MDH2: variants seen among roughly 807,000 people sequenced by gnomAD.
MDH2 encodes malate dehydrogenase 2.
In MDH2, 25 loss-of-function variants were observed where a neutral mutation model predicts 33.6. The observed-to-expected ratio is 0.74, with a 90% confidence interval of 0.54 to 1.04. The LOEUF is 1.04. MDH2 is among the 50% of genes least tolerant of loss of function. The pLI, the probability that MDH2 is intolerant of heterozygous loss-of-function variation, is 0.00. For missense variants in MDH2, 432 were observed against 445.0 expected (o/e 0.97, Z 0.26); for synonymous variants, 193 against 188.7 (o/e 1.02, Z -0.19).
intron 2 of MDH2, among the ~76,000 whole-genome samples, chr7:76,056,508 C>T (rs147158187): frequency 2.0e-4 from 30 of 152,220 alleles, no homozygotes; most frequent in Middle Eastern, 3.4e-3. Flanking sequence ...GAATGGGTTG[C>T]CCATTTTCTT....
chr7:76,051,156 A>G (rs1386474311), intron 1 of MDH2, among the ~76,000 whole-genome samples: 1 of 151,796 alleles, frequency 6.6e-6, no homozygotes, highest in African/African-American at 2.4e-5. Flanking sequence ...AGGTACTGGG[A>G]TTATAGACGT....
chr7:76,064,540 T>G lies in MDH2; in HGVS notation c.733+102T>G, dbSNP rs190363085. 32 of 1,107,094 alleles carry G rather than the reference T, an allele frequency of 2.9e-5. No homozygotes were observed. In the Admixed American group the frequency reaches 3.0e-4, roughly 10 times the overall value. The allele number at this position is 1,107,094 out of a possible 1,614,324, so 68.6% of individuals were successfully genotyped here. ...TGTCCCTGGGCATGGACGATCCTTT[T>G]CAGTGTTGATTTGCAGTTGCCTGGT... On this transcript the variant is annotated intron_variant, in intron 7 of 8. Transcript: ENST00000315758.
rs1797837522 is a variant in MDH2 at position 76,058,062 on chromosome 7, G to A, written c.413G>A (p.Cys138Tyr). 3 of 1,613,182 alleles carry A rather than the reference G, an allele frequency of 1.9e-6. No individual in the cohort carries two copies. Among genetic ancestry groups the A allele is most frequent in the African/African-American group, 2.7e-5 (2 of 74,942 alleles). Residue 138 changes from cysteine to tyrosine, a missense_variant, in exon 4 of 9, where the codon TGC (cysteine) becomes TAC (tyrosine). Cys to Tyr is a radical substitution (Grantham distance 194). Coordinates refer to ENST00000315758, the MANE Select transcript of MDH2 (RefSeq NM_005918.4). ...CAQHCPEAMICVIANPVNSTI... is the reference protein window; with the variant it reads ...CAQHCPEAMIYVIANPVNSTI... ...CAGCACTGCCCGGAAGCCATGATCTGCGTCATTGCCAATCCGGTGAGTGTG... is the reference window on the plus strand; with the variant it reads ...CAGCACTGCCCGGAAGCCATGATCTACGTCATTGCCAATCCGGTGAGTGTG...
At chr7:76,062,821 T>C (rs1797991150) in intron 5 of MDH2, among the ~76,000 whole-genome samples, 1 of 152,054 alleles carries the variant, frequency 6.6e-6, no homozygotes. Context: ...GGGAGGATCA[T>C]TGAGTCCAGG....
chr7:76,054,197 T>C (rs544472840), intron 1 of MDH2, among the ~76,000 whole-genome samples: 2 of 152,230 alleles, frequency 1.3e-5, no homozygotes, highest in East Asian at 3.9e-4. Flanking sequence ...CAGATCTGAC[T>C]CACCAGGAGG....
At chr7:76,061,642 TA>T (rs60567434) in intron 5 of MDH2, among the ~76,000 whole-genome samples, 1,972 of 134,642 alleles carry the variant, frequency 0.015, 26 homozygotes, top group African/African-American at 0.039. Context: ...CCTGTCTCTT[TA>T]AAAAAAAAAA....
intron 4 of MDH2, among the ~76,000 whole-genome samples, chr7:76,059,973 G>A (rs1275145964): frequency 3.3e-5 from 5 of 152,162 alleles, no homozygotes; most frequent in African/African-American, 2.4e-5. Context: ...CCTGCCCAGG[G>A]TCATAGCACA....
chr7:76,064,156 C>G (rs1337652631), intron 6 of MDH2, among the ~76,000 whole-genome samples, 183 bp from the exon 7 acceptor site: 3 of 152,012 alleles, frequency 2.0e-5, no homozygotes, highest in Non-Finnish European at 4.4e-5. Flanking sequence ...ACCCCATAGG[C>G]AGTGTGCCCA....
chr7:76,050,698 T>C (rs925386053), intron 1 of MDH2, among the ~76,000 whole-genome samples: 10 of 152,164 alleles, frequency 6.6e-5, no homozygotes, highest in African/African-American at 2.4e-4. Flanking sequence ...ATTGTGGTTA[T>C]CTAGGTGCAG....
In MDH2 at chr7:76,050,050, C is replaced by T. The variant is rs1311708985; in HGVS notation, c.66+1824C>T. 2.7e-5 allele frequency among the ~76,000 whole-genome samples: 4 copies of T among 150,376 alleles called. No homozygotes were observed. The East Asian group carries it at 7.8e-4, about 30-fold the overall frequency. ...TTTCACCATGTTGGCCAGGATGGACCTGACAGAGTCCCACTCTGTTGCCCA... is the reference window on the plus strand; with the variant it reads ...TTTCACCATGTTGGCCAGGATGGACTTGACAGAGTCCCACTCTGTTGCCCA... On this transcript the variant is annotated intron_variant, in intron 1 of 8. Coordinates refer to ENST00000315758, the MANE Select transcript of MDH2 (RefSeq NM_005918.4).
chr7:76,050,719 A>G lies in MDH2; in HGVS notation c.66+2493A>G, dbSNP rs144512552. On this transcript the variant is annotated intron_variant, in intron 1 of 8. Transcript: ENST00000315758. ...GTTATCTAGGTGCAGGTGGTAAGAA[A>G]TGATTGAATTCTGGGTATTCATTGA... Among the ~76,000 whole-genome samples, 569 of 152,250 alleles carry G rather than the reference A, an allele frequency of 3.7e-3. 1 individual carries two copies. The highest frequency in any genetic ancestry group is 8.7e-3 in the South Asian group (42 of 4,822).
At position 76,066,343 on chromosome 7, in the gene MDH2, C is replaced by T. The variant is rs530298388; in HGVS notation, c.950C>T (p.Ser317Leu). 23 of 1,610,676 alleles carry T rather than the reference C, an allele frequency of 1.4e-5. No homozygotes were observed. The highest frequency in any genetic ancestry group is 6.7e-5 in the Admixed American group (4 of 59,500). Reference protein sequence around the residue: ...KVSSFEEKMISDAIPELKASI... With the variant: ...KVSSFEEKMILDAIPELKASI... ...TCCTCTTTTGAGGAGAAGATGATCT[C>T]GGATGCCATCCCCGAGCTGAAGGCC... Residue 317 changes from serine to leucine, a missense_variant, in exon 9 of 9, where the codon TCG becomes TTG. Coordinates refer to ENST00000315758, the MANE Select transcript of MDH2 (RefSeq NM_005918.4).
At chr7:76,049,006 T>A (rs1797484858) in intron 1 of MDH2, 1 of 869,240 alleles carries the variant, frequency 1.2e-6, no homozygotes, top group Non-Finnish European at 1.4e-6. Flanking sequence ...GGGTCCGCAT[T>A]TTTACCAGGT....
intron 5 of MDH2, 114 bp from the exon 6 acceptor site, chr7:76,063,401 T>C: frequency 1.0e-6 from 1 of 976,218 alleles, no homozygotes; most frequent in East Asian, 2.6e-5. Context: ...TAGCTGGCTC[T>C]GTTCCACCCT....
At chr7:76,057,859 CG>C (rs1477558604) in intron 3 of MDH2, 109 bp from the exon 4 acceptor site, 1 of 950,596 alleles carries the variant, frequency 1.1e-6, no homozygotes, top group Non-Finnish European at 1.6e-6. Flanking sequence ...TGACTTGAAA[CG>C]GGGACCTTGA....
chr7:76,063,564 G>C lies in MDH2; in HGVS notation c.605G>C (p.Gly202Ala). The C allele has an allele frequency of 3.1e-6, 5 of 1,614,214 alleles. No homozygotes were observed. Among genetic ancestry groups the C allele is most frequent in the Non-Finnish European group, 4.2e-6 (5 of 1,180,032 alleles). The change falls in exon 6 of 9, where the codon GGG becomes GCG. Residue 202 changes from glycine to alanine, a missense_variant. By Grantham distance (60) the Gly-to-Ala change is moderately conservative. Transcript: ENST00000315758. ...GTCCCTGTCATTGGTGGCCATGCTG[G>C]GAAGACCATCATCCCCCTGATCTCT... is the stretch of plus-strand genomic sequence containing the variant. ...VNVPVIGGHA[G>A]KTIIPLISQC...
intron 2 of MDH2, among the ~76,000 whole-genome samples, chr7:76,056,536 G>T (rs1563547851): frequency 6.6e-6 from 1 of 152,206 alleles, no homozygotes; most frequent in Non-Finnish European, 1.5e-5. Context: ...GTATATTCGG[G>T]TTAAGAAGGC....
intron 1 of MDH2, 177 bp downstream of exon 1, chr7:76,048,403 G>A (rs1208199535): frequency 1.7e-6 from 2 of 1,158,966 alleles, no homozygotes; most frequent in African/African-American, 1.6e-5. Flanking sequence ...GAGGTGCGGG[G>A]GAGAAAGCCG....
intron 1 of MDH2, among the ~76,000 whole-genome samples, chr7:76,051,700 ATACAT>A (rs1797632066): frequency 2.0e-5 from 3 of 152,230 alleles, no homozygotes. Flanking sequence ...GTACTAATAT[ATACAT>A]TACAATATAA....
Sources: gnomAD v4.1 joint callset for allele counts (sites outside exome capture counted in the v4.1 genomes callset) on GRCh38, gnomAD v4.1.1 for gene constraint, MANE v1.5 for transcripts, NCBI Gene and HGNC (gene_info 2026-07-23, HGNC 2026-07-21) for gene names.